HS6ST3: variants seen among roughly 807,000 people sequenced by gnomAD.
HS6ST3 encodes heparan sulfate 6-O-sulfotransferase 3.
A neutral mutation model predicts 36.7 loss-of-function variants in HS6ST3; 12 were observed. That is an observed-to-expected ratio of 0.33 (90% CI 0.21 to 0.53). The LOEUF (loss-of-function observed/expected upper bound fraction) is 0.53, where lower values mean the gene tolerates loss of function less well. Among genes scored for constraint, HS6ST3 ranks in the 20% least tolerant of loss-of-function variants. The pLI is 0.95. For synonymous variants in HS6ST3, 240 were observed against 257.5 expected (o/e 0.93, Z 0.65); for missense variants, 584 against 640.9 (o/e 0.91, Z 0.96).
chr13:96,522,426 A>G (rs576405944), intron 1 of HS6ST3, among the ~76,000 whole-genome samples: 1 of 152,260 alleles, frequency 6.6e-6, no homozygotes, highest in South Asian at 2.1e-4. Context: ...TGCCTCATTG[A>G]TCTGTCTAAT....
At chr13:96,257,979 T>A (rs1384510831) in intron 1 of HS6ST3, among the ~76,000 whole-genome samples, 2 of 152,130 alleles carry the variant, frequency 1.3e-5, no homozygotes, top group Non-Finnish European at 2.9e-5. Flanking sequence ...GGGATGCCAG[T>A]GCAGTTATTT....
chr13:96,789,737 G>A (rs1229010660), intron 1 of HS6ST3, among the ~76,000 whole-genome samples: 1 of 140,276 alleles, frequency 7.1e-6, no homozygotes, highest in African/African-American at 2.8e-5. Context: ...TTGTTGCATT[G>A]CCTCCTGGCC....
At chr13:96,663,849 T>C (rs2056654743) in intron 1 of HS6ST3, among the ~76,000 whole-genome samples, 1 of 152,132 alleles carries the variant, frequency 6.6e-6, no homozygotes, top group African/African-American at 2.4e-5. Context: ...CACAAAACAT[T>C]ATCCTAAGTG....
chr13:96,557,964 G>A (rs1303758069), intron 1 of HS6ST3, among the ~76,000 whole-genome samples: 1 of 152,144 alleles, frequency 6.6e-6, no homozygotes, highest in African/African-American at 2.4e-5. Context: ...ACCTCACAAG[G>A]TTAGCAGGAG....
intron 1 of HS6ST3, among the ~76,000 whole-genome samples, chr13:96,637,782 A>G (rs918117062): frequency 1.3e-5 from 2 of 152,106 alleles, no homozygotes; most frequent in Non-Finnish European, 1.5e-5. Flanking sequence ...CTAAATGGTA[A>G]TGACTTCTTG....
chr13:96,445,161 C>T (rs909616937), intron 1 of HS6ST3, among the ~76,000 whole-genome samples: 7 of 152,098 alleles, frequency 4.6e-5, no homozygotes, highest in African/African-American at 1.7e-4. Flanking sequence ...TAGGTCAAAC[C>T]TATTACATTG....
intron 1 of HS6ST3, among the ~76,000 whole-genome samples, chr13:96,648,543 G>T (rs925036800): frequency 1.3e-4 from 20 of 148,408 alleles, no homozygotes; most frequent in Non-Finnish European, 2.2e-4. Context: ...GTGCAGGTTT[G>T]TTACCTAGGT....
At position 96,836,619 on chromosome 13, in the gene HS6ST3, G is replaced by T. The variant is rs1193020083; in HGVS notation, c.*3421G>T. ...TTGAAGTATGAGGACTCCTTGTTATGCCTTTAAGGTAATTTTTAAAAAAAA... is the reference window on the plus strand; with the variant it reads ...TTGAAGTATGAGGACTCCTTGTTATTCCTTTAAGGTAATTTTTAAAAAAAA... On this transcript the variant is annotated 3_prime_UTR_variant, in exon 2 of 2. Coordinates refer to ENST00000376705, the MANE Select transcript of HS6ST3 (RefSeq NM_153456.4). 6.6e-6 allele frequency: 1 copy of T among 152,138 alleles called. No individual in the cohort carries two copies. Among genetic ancestry groups the T allele is most frequent in the East Asian group, 1.9e-4 (1 of 5,202 alleles). The allele number at this position is 152,138 out of a possible 1,614,324, so 9.4% of individuals were successfully genotyped here. A position where few individuals can be genotyped will look rare whatever the true frequency, so the allele number is the denominator to read the frequency against.
chr13:96,575,438 C>T (rs887468123), intron 1 of HS6ST3, among the ~76,000 whole-genome samples: 1 of 152,176 alleles, frequency 6.6e-6, no homozygotes, highest in African/African-American at 2.4e-5. Context: ...GAGGACACAT[C>T]ATAGGAGAGT....
At chr13:96,365,360 C>T (rs994162726) in intron 1 of HS6ST3, among the ~76,000 whole-genome samples, 1 of 152,160 alleles carries the variant, frequency 6.6e-6, no homozygotes, top group Non-Finnish European at 1.5e-5. Flanking sequence ...TATGAATATT[C>T]TTGTTGTGTT....
chr13:96,533,520 C>G (rs1299281071), intron 1 of HS6ST3, among the ~76,000 whole-genome samples: 1 of 152,140 alleles, frequency 6.6e-6, no homozygotes, highest in Non-Finnish European at 1.5e-5. Flanking sequence ...GCTGCTTTGT[C>G]AAAGCAAATT....
chr13:96,731,131 A>G (rs2138476834), intron 1 of HS6ST3, among the ~76,000 whole-genome samples: 1 of 152,344 alleles, frequency 6.6e-6, no homozygotes, highest in Non-Finnish European at 1.5e-5. Context: ...TTTCAAGAAT[A>G]CAATATACCA....
chr13:96,542,008 T>C (rs919672583), intron 1 of HS6ST3, among the ~76,000 whole-genome samples: 17 of 152,212 alleles, frequency 1.1e-4, no homozygotes, highest in Non-Finnish European at 1.3e-4. Flanking sequence ...CTTACTATTA[T>C]TGGATCAAAG....
intron 1 of HS6ST3, among the ~76,000 whole-genome samples, chr13:96,097,773 C>T (rs779801013): frequency 2.0e-5 from 3 of 152,152 alleles, no homozygotes; most frequent in Non-Finnish European, 2.9e-5. Flanking sequence ...TTTTTATCTT[C>T]CTCTGGCAAA....
At chr13:96,484,294 T>C (rs934862559) in intron 1 of HS6ST3, among the ~76,000 whole-genome samples, 2 of 147,188 alleles carry the variant, frequency 1.4e-5, no homozygotes, top group Non-Finnish European at 3.0e-5. Context: ...CCTTCCTTCC[T>C]CCTTCCTTCC....
intron 1 of HS6ST3, among the ~76,000 whole-genome samples, chr13:96,399,698 G>A (rs2055439537): frequency 6.6e-6 from 1 of 152,240 alleles, no homozygotes; most frequent in Non-Finnish European, 1.5e-5. Context: ...AGATGTCCAA[G>A]GGTCTCCCAT....
chr13:96,799,753 C>T (rs1216674472), intron 1 of HS6ST3, among the ~76,000 whole-genome samples: 14 of 148,992 alleles, frequency 9.4e-5, no homozygotes. Flanking sequence ...GCACATTGTG[C>T]ACATGTACCC....
intron 1 of HS6ST3, among the ~76,000 whole-genome samples, chr13:96,697,598 T>A (rs1347482770): frequency 6.6e-6 from 1 of 152,172 alleles, no homozygotes; most frequent in African/African-American, 2.4e-5. Flanking sequence ...AGAAATTTTT[T>A]AAAAATCCTA....
At chr13:96,563,993 T>C (rs1268172763) in intron 1 of HS6ST3, among the ~76,000 whole-genome samples, 2 of 152,178 alleles carry the variant, frequency 1.3e-5, no homozygotes, top group Non-Finnish European at 2.9e-5. Flanking sequence ...TCATAGCCCC[T>C]TCAGGTATAA....
Sources: allele counts gnomAD v4.1 joint callset (sites outside exome capture counted in the v4.1 genomes callset), GRCh38; gene constraint gnomAD v4.1.1; transcripts MANE v1.5; gene names NCBI Gene and HGNC (gene_info 2026-07-23, HGNC 2026-07-21).